Variants in PHACTR3 observed in about 807,000 individuals in gnomAD.
The protein encoded by PHACTR3 is phosphatase and actin regulator 3, also known as protein phosphatase 1, regulatory subunit 123.
A neutral mutation model predicts 66.8 loss-of-function variants in PHACTR3; 16 were observed. The ratio of observed to expected loss-of-function variants is 0.24; its 90% CI spans 0.16 to 0.36. The LOEUF (loss-of-function observed/expected upper bound fraction) is 0.36, where lower values mean the gene tolerates loss of function less well. PHACTR3 is among the 10% of genes least tolerant of loss of function. PHACTR3 has a pLI of 1.00. For missense variants in PHACTR3, 647 were observed against 719.9 expected, an observed-to-expected ratio of 0.90 and a Z score of 1.16; for synonymous variants, 323 against 292.1, an observed-to-expected ratio of 1.11 and a Z score of -1.08.
At chr20:59,593,714 T>C (rs2146315703) in intron 1 of PHACTR3, among the ~76,000 whole-genome samples, 1 of 152,346 alleles carries the variant, frequency 6.6e-6, no homozygotes. Flanking sequence ...GTTGCTTTTT[T>C]GCATGTGGAT....
At chr20:59,731,568 T>A (rs1414478486) in intron 1 of PHACTR3, among the ~76,000 whole-genome samples, 1 of 152,224 alleles carries the variant, frequency 6.6e-6, no homozygotes, top group Non-Finnish European at 1.5e-5. Flanking sequence ...ACTGACCATA[T>A]GTCTGGCAGG....
At chr20:59,762,732 CT>C (rs1311739119) in intron 4 of PHACTR3, among the ~76,000 whole-genome samples, 1 of 152,172 alleles carries the variant, frequency 6.6e-6, no homozygotes, top group East Asian at 1.9e-4. Flanking sequence ...CTGCCAAACC[CT>C]GGTTTGGAGA....
chr20:59,773,215 C>A, intron 5 of PHACTR3, 64 bp from the exon 6 acceptor site: 1 of 1,546,734 alleles, frequency 6.5e-7, no homozygotes, highest in Non-Finnish European at 8.8e-7. Flanking sequence ...TCCCCAGTCT[C>A]AGCAAAACCC....
chr20:59,821,412 A>G (rs1341687412), intron 8 of PHACTR3, among the ~76,000 whole-genome samples: 2 of 152,206 alleles, frequency 1.3e-5, no homozygotes, highest in East Asian at 1.9e-4. Context: ...GGCACCAGAC[A>G]TCATATTCAA....
intron 5 of PHACTR3, among the ~76,000 whole-genome samples, chr20:59,771,395 A>C (rs1313763524): frequency 6.6e-6 from 1 of 152,070 alleles, no homozygotes; most frequent in Non-Finnish European, 1.5e-5. Flanking sequence ...GAAGCTGGGG[A>C]TGGGTCTCCC....
chr20:59,787,786 C>G (rs1004645694), intron 7 of PHACTR3, among the ~76,000 whole-genome samples: 2 of 152,150 alleles, frequency 1.3e-5, no homozygotes, highest in African/African-American at 4.8e-5. Context: ...TTTACAGCTA[C>G]TGTATAAAGC....
chr20:59,623,956 G>A (rs2034357350), intron 1 of PHACTR3, among the ~76,000 whole-genome samples: 1 of 152,226 alleles, frequency 6.6e-6, no homozygotes, highest in African/African-American at 2.4e-5. Flanking sequence ...GTGCCCATGG[G>A]CGTTGTGTAG....
intron 8 of PHACTR3, among the ~76,000 whole-genome samples, chr20:59,835,663 A>G (rs1237532172): frequency 1.3e-5 from 2 of 152,184 alleles, no homozygotes. Context: ...ATTTTGGATG[A>G]TGATGCCTCC....
chr20:59,599,207 G>A (rs919717812), intron 1 of PHACTR3, among the ~76,000 whole-genome samples: 3 of 152,210 alleles, frequency 2.0e-5, no homozygotes, highest in African/African-American at 7.2e-5. Flanking sequence ...GCTAGGCTCC[G>A]CCGTGCACAT....
At chr20:59,724,618 A>G (rs1178291166) in intron 1 of PHACTR3, among the ~76,000 whole-genome samples, 1 of 152,110 alleles carries the variant, frequency 6.6e-6, no homozygotes, top group East Asian at 1.9e-4. Context: ...TAGTGCATAT[A>G]ACCAGGGCCG....
At chr20:59,753,008 A>G (rs899276275) in intron 3 of PHACTR3, among the ~76,000 whole-genome samples, 6 of 152,072 alleles carry the variant, frequency 3.9e-5, no homozygotes, top group African/African-American at 1.4e-4. Context: ...GTGACCTCTA[A>G]TTTTGTCTAC....
chr20:59,743,650 C>G (rs1194768973), intron 2 of PHACTR3, among the ~76,000 whole-genome samples: 2 of 152,218 alleles, frequency 1.3e-5, no homozygotes, highest in Non-Finnish European at 2.9e-5. Flanking sequence ...GAGCCCCCAG[C>G]CCACGCGACT....
rs186439893 is a variant in PHACTR3, at chr20:59,825,762, G to C, written c.1329-10743G>C. Among the ~76,000 whole-genome samples, 335 of 152,272 alleles carry C rather than the reference G, an allele frequency of 2.2e-3. 2 individuals are homozygous for C. The highest frequency in any genetic ancestry group is 7.7e-3 in the African/African-American group (320 of 41,542). ...GGGAAGGGCCCAGGCAGAGGCGCTG[G>C]GTGGGAATCAGCTTGGCATGTGCTG... On this transcript the variant is annotated intron_variant, in intron 8 of 12. Coordinates refer to ENST00000371015, the MANE Select transcript of PHACTR3 (RefSeq NM_080672.5).
chr20:59,829,452 C>T lies in PHACTR3; in HGVS notation c.1329-7053C>T, dbSNP rs2042284515. On this transcript the variant is annotated intron_variant, in intron 8 of 12. Transcript: ENST00000371015. The surrounding 1 kb of genome is among the most constrained non-coding windows in gnomAD (Gnocchi z 4.2). ...CTTCTCTCCAGACACACCCACATTG[C>T]TCTGACGCTCTGAGACATAGGGTCA... Among the ~76,000 whole-genome samples the T allele has an allele frequency of 6.6e-6, 1 of 152,216 alleles. No homozygotes were observed. The highest frequency in any genetic ancestry group is 6.5e-5 in the Admixed American group (1 of 15,288).
chr20:59,733,420 A>G (rs917416540), intron 1 of PHACTR3, among the ~76,000 whole-genome samples: 5 of 152,166 alleles, frequency 3.3e-5, no homozygotes, highest in African/African-American at 1.2e-4. Context: ...GTCAAGCCAC[A>G]TCTCTTGCAG....
At chr20:59,709,571 G>A (rs1225534712) in intron 1 of PHACTR3, among the ~76,000 whole-genome samples, 4 of 152,142 alleles carry the variant, frequency 2.6e-5, no homozygotes, top group Admixed American at 6.6e-5. Flanking sequence ...TTTCCCAGAA[G>A]TACTGGTTAT....
At chr20:59,628,512 C>A in intron 1 of PHACTR3, 1 of 478,696 alleles carries the variant, frequency 2.1e-6, no homozygotes, top group Non-Finnish European at 2.7e-6. Flanking sequence ...CGGAGTGCAG[C>A]CGTGCATGGG....
intron 8 of PHACTR3, among the ~76,000 whole-genome samples, chr20:59,834,065 AG>A (rs1479502550): frequency 6.6e-6 from 1 of 152,146 alleles, no homozygotes; most frequent in Non-Finnish European, 1.5e-5. Flanking sequence ...CTTACTTATT[AG>A]GACTCCACGT....
At chr20:59,589,753 G>T (rs1156577522) in intron 1 of PHACTR3, among the ~76,000 whole-genome samples, 2 of 152,200 alleles carry the variant, frequency 1.3e-5, no homozygotes, top group African/African-American at 4.8e-5. Flanking sequence ...GTGACAAGGG[G>T]CATTATTTAA....
Sources: allele counts gnomAD v4.1 joint callset (sites outside exome capture counted in the v4.1 genomes callset), GRCh38; gene constraint gnomAD v4.1.1; non-coding constraint Gnocchi (gnomAD v3.1); transcripts MANE v1.5; gene names NCBI Gene and HGNC (gene_info 2026-07-23, HGNC 2026-07-21).